WWOX: variants seen among roughly 807,000 people sequenced by gnomAD.
WWOX encodes the protein WW domain containing oxidoreductase.
WWOX carries 69 observed loss-of-function variants against 46.2 expected under a neutral mutation model. That is an observed-to-expected ratio of 1.49 (90% confidence interval 1.23 to 1.82). WWOX has a LOEUF of 1.82. WWOX is among the 40% of genes most tolerant of loss of function. The pLI is 0.00. For synonymous variants in WWOX, 359 were observed against 202.6 expected, an observed-to-expected ratio of 1.77 and a Z score of -6.56; for missense variants, 919 against 542.6, an observed-to-expected ratio of 1.69 and a Z score of -6.89.
At chr16:78,226,144 G>T (rs141189934) in intron 5 of WWOX, among the ~76,000 whole-genome samples, 69 of 152,274 alleles carry the variant, frequency 4.5e-4, no homozygotes, top group Non-Finnish European at 8.5e-4. Context: ...GGAATGAACC[G>T]CTAGAGATGA....
chr16:78,491,004 T>A lies in WWOX; in HGVS notation c.1056+58252T>A, dbSNP rs986941473. 7.2e-5 allele frequency among the ~76,000 whole-genome samples: 11 copies of A among 152,284 alleles called. No individual in the cohort carries two copies. In the East Asian group the frequency reaches 2.1e-3, roughly 29 times the overall value. The stretch of plus-strand genomic sequence containing the variant: ...CCCGAGTGACCGCTCCAGCCTTCTT[T>A]CCTTCCACCTCTCCCTCTTGGCCAA... On this transcript the variant is annotated intron_variant, in intron 8 of 8. Transcript: ENST00000566780.
At chr16:78,458,572 A>G (rs933681209) in intron 8 of WWOX, among the ~76,000 whole-genome samples, 13 of 152,122 alleles carry the variant, frequency 8.5e-5, no homozygotes, top group Non-Finnish European at 1.8e-4. Context: ...TTGGTATACC[A>G]TTGTTTTTCT....
intron 8 of WWOX, among the ~76,000 whole-genome samples, chr16:78,702,091 TC>T (rs2048234441): frequency 1.1e-5 from 1 of 93,558 alleles, no homozygotes; most frequent in Non-Finnish European, 2.0e-5. Flanking sequence ...TATATTTATA[TC>T]TATAAAGTTA....
At chr16:78,336,702 C>T (rs1053948901) in intron 5 of WWOX, among the ~76,000 whole-genome samples, 1 of 152,108 alleles carries the variant, frequency 6.6e-6, no homozygotes, top group East Asian at 1.9e-4. Flanking sequence ...GCCATCTTTT[C>T]TAATTTTTTT....
At chr16:79,098,065 G>C (rs2049113198) in intron 8 of WWOX, among the ~76,000 whole-genome samples, 2 of 152,132 alleles carry the variant, frequency 1.3e-5, no homozygotes, top group Non-Finnish European at 2.9e-5. Context: ...TGCAGAATTT[G>C]ATTCCTAGGT....
intron 5 of WWOX, among the ~76,000 whole-genome samples, chr16:78,341,533 A>G (rs543485444): frequency 8.3e-6 from 1 of 120,562 alleles, no homozygotes; most frequent in South Asian, 2.5e-4. Flanking sequence ...AAATTTGAGC[A>G]GCAAACCATA....
chr16:78,439,536 C>T (rs1045239112), intron 8 of WWOX, among the ~76,000 whole-genome samples: 5 of 152,102 alleles, frequency 3.3e-5, no homozygotes, highest in Admixed American at 6.5e-5. Flanking sequence ...AGTCCAGTGA[C>T]CAATGGATGT....
At chr16:78,918,351 G>A (rs186456092) in intron 8 of WWOX, among the ~76,000 whole-genome samples, 2 of 152,154 alleles carry the variant, frequency 1.3e-5, no homozygotes, top group African/African-American at 4.8e-5. Context: ...TTTTCCTAAG[G>A]AGTCCTTGTT....
rs151141590 is a variant in WWOX, at chr16:78,755,916, G to A, written c.1056+323164G>A. Reference sequence around the variant, plus strand: ...AACTTCATAGGATTTTTGTCAGGACGCTATGATGAGAAGAACATATGCCAA... The same window carrying A: ...AACTTCATAGGATTTTTGTCAGGACACTATGATGAGAAGAACATATGCCAA... On this transcript the variant is annotated intron_variant, in intron 8 of 8. Transcript: ENST00000566780. Among the ~76,000 whole-genome samples the A allele has an allele frequency of 1.5e-4, 23 of 152,228 alleles. No homozygotes were observed. The East Asian group carries it at 3.7e-3, about 24-fold the overall frequency.
At chr16:78,764,340 T>A (rs1174338315) in intron 8 of WWOX, among the ~76,000 whole-genome samples, 2 of 151,632 alleles carry the variant, frequency 1.3e-5, no homozygotes, top group African/African-American at 2.4e-5. Context: ...TGGCAAGTCC[T>A]AATTCCCTGT....
At chr16:78,581,103 G>C (rs899846037) in intron 8 of WWOX, among the ~76,000 whole-genome samples, 10 of 151,896 alleles carry the variant, frequency 6.6e-5, no homozygotes, top group Non-Finnish European at 1.5e-4. Context: ...GTTATTTTCT[G>C]TTCTTAATCA....
chr16:78,540,762 T>C (rs929977660), intron 8 of WWOX, among the ~76,000 whole-genome samples: 3 of 152,072 alleles, frequency 2.0e-5, no homozygotes, highest in Non-Finnish European at 4.4e-5. Context: ...TCATAACTCA[T>C]GGTGACCTCA....
At chr16:79,183,674 T>G (rs945142891) in intron 8 of WWOX, among the ~76,000 whole-genome samples, 1 of 152,212 alleles carries the variant, frequency 6.6e-6, no homozygotes, top group Admixed American at 6.5e-5. Flanking sequence ...ATGTGTGAAC[T>G]CTGCATGTTT....
intron 8 of WWOX, among the ~76,000 whole-genome samples, chr16:79,207,235 G>T (rs948127617): frequency 6.6e-6 from 1 of 152,226 alleles, no homozygotes; most frequent in Non-Finnish European, 1.5e-5. Context: ...AGAGTCAATG[G>T]ATAAGGTGGC....
chr16:78,971,575 A>C (rs544885616), intron 8 of WWOX, among the ~76,000 whole-genome samples: 37 of 152,236 alleles, frequency 2.4e-4, no homozygotes, highest in Middle Eastern at 3.4e-3. Context: ...CAAATGGAGC[A>C]AAGTGTGCTT....
chr16:78,653,953 A>G (rs1328339327), intron 8 of WWOX, among the ~76,000 whole-genome samples: 2 of 152,224 alleles, frequency 1.3e-5, no homozygotes, highest in African/African-American at 2.4e-5. Context: ...CACACTGCAG[A>G]TATTCTTACA....
At chr16:78,123,428 G>GTTTTT (rs1330107026) in intron 4 of WWOX, 11 of 61,076 alleles carry the variant, frequency 1.8e-4, no homozygotes, top group African/African-American at 2.9e-4. Flanking sequence ...TTTTTTCTTT[G>GTTTTT]TTTTTTGTTT....
At chr16:78,402,285 A>G (rs2082431594) in intron 6 of WWOX, among the ~76,000 whole-genome samples, 1 of 152,112 alleles carries the variant, frequency 6.6e-6, no homozygotes, top group African/African-American at 2.4e-5. Context: ...CTAGAGGTTC[A>G]TTTATGTTAT....
chr16:78,914,718 A>T (rs1249524426), intron 8 of WWOX, among the ~76,000 whole-genome samples: 1 of 151,726 alleles, frequency 6.6e-6, no homozygotes, highest in Non-Finnish European at 1.5e-5. Context: ...TCTCTACTAA[A>T]AATACAAAAA....
Sources: allele counts gnomAD v4.1 joint callset (sites outside exome capture counted in the v4.1 genomes callset), GRCh38; gene constraint gnomAD v4.1.1; transcripts MANE v1.5; gene names NCBI Gene and HGNC (gene_info 2026-07-23, HGNC 2026-07-21).